The following GAS7 variants were observed in gnomAD, a reference collection of about 807,000 sequenced individuals.
GAS7 encodes the protein growth arrest specific 7.
Under a neutral mutation model 71.1 loss-of-function variants are expected in GAS7, and 28 were observed. The ratio of observed to expected loss-of-function variants is 0.39; its 90% CI spans 0.29 to 0.54. GAS7 has a LOEUF of 0.54. GAS7 is among the 20% of genes least tolerant of loss of function. The pLI, the probability that GAS7 is intolerant of heterozygous loss-of-function variation, is 0.62. For missense variants in GAS7, 436 were observed against 627.8 expected (o/e 0.69, Z 3.27); for synonymous variants, 258 against 245.8 (o/e 1.05, Z -0.46).
chr17:10,092,732 G>A (rs1476400246), intron 1 of GAS7, among the ~76,000 whole-genome samples: 1 of 152,190 alleles, frequency 6.6e-6, no homozygotes, highest in African/African-American at 2.4e-5. Flanking sequence ...CGCCCCCCTT[G>A]GAGGCTCTAG....
intron 1 of GAS7, among the ~76,000 whole-genome samples, chr17:10,030,469 G>A (rs552635639): frequency 1.8e-4 from 27 of 152,332 alleles, no homozygotes; most frequent in South Asian, 8.3e-4. Flanking sequence ...GGTTGGACCC[G>A]TGTGAAAAGG....
intron 2 of GAS7, among the ~76,000 whole-genome samples, chr17:10,003,348 T>C (rs916675929): frequency 6.6e-6 from 1 of 152,206 alleles, no homozygotes; most frequent in Non-Finnish European, 1.5e-5. Context: ...CCAAAGCCCA[T>C]GAGTACAGTA....
chr17:10,144,089 G>A (rs1176854462), intron 1 of GAS7, among the ~76,000 whole-genome samples: 3 of 151,918 alleles, frequency 2.0e-5, no homozygotes, highest in African/African-American at 7.3e-5. Context: ...GGGACTCGGA[G>A]CGGCAGAAAA....
chr17:10,078,032 G>A (rs1488228038), intron 1 of GAS7, among the ~76,000 whole-genome samples: 5 of 151,590 alleles, frequency 3.3e-5, no homozygotes, highest in South Asian at 2.1e-4. Context: ...CAGTACATGC[G>A]GAAGTTTGTT....
chr17:10,047,512 T>C (rs2072995777), intron 1 of GAS7, among the ~76,000 whole-genome samples: 1 of 152,100 alleles, frequency 6.6e-6, no homozygotes, highest in African/African-American at 2.4e-5. Context: ...GTGTCAAGAA[T>C]GCATAAAGAG....
chr17:10,110,852 T>C (rs1057220860), intron 1 of GAS7, among the ~76,000 whole-genome samples: 4 of 152,174 alleles, frequency 2.6e-5, no homozygotes, highest in Admixed American at 2.0e-4. Context: ...TTGAAACAGC[T>C]AGAAGAATGT....
intron 2 of GAS7, among the ~76,000 whole-genome samples, chr17:9,987,524 C>T (rs772041411): frequency 8.5e-5 from 13 of 152,218 alleles, no homozygotes; most frequent in Non-Finnish European, 1.8e-4. Context: ...CAGTGGCACA[C>T]GCCTGTAGTC....
rs187694233 is a variant in GAS7, at chr17:10,191,655, T to A, written c.183+6553A>T. ...ACTTTGGGAGGCTGAGGCGGGTGAATCACAAAGTCAGGAGTTCGAGACCAG... is the reference window on the plus strand; with the variant it reads ...ACTTTGGGAGGCTGAGGCGGGTGAAACACAAAGTCAGGAGTTCGAGACCAG... On this transcript the variant is annotated intron_variant, in intron 1 of 13. Transcript: ENST00000432992. 4.4e-3 allele frequency among the ~76,000 whole-genome samples: 644 copies of A among 146,302 alleles called. 2 individuals are homozygous for A. The highest frequency in any genetic ancestry group is 7.0e-3 in the Non-Finnish European group (470 of 67,160).
intron 5 of GAS7, among the ~76,000 whole-genome samples, chr17:9,952,468 TGCAACCTCCACCTCCC>T (rs1254235324): frequency 6.6e-6 from 1 of 152,190 alleles, no homozygotes; most frequent in African/African-American, 2.4e-5. Flanking sequence ...CTCAGCTCAC[TGCAACCTCCACCTCCC>T]GGGTTCAAGC....
At chr17:9,979,687 G>A (rs1055525414) in intron 3 of GAS7, among the ~76,000 whole-genome samples, 1 of 152,074 alleles carries the variant, frequency 6.6e-6, no homozygotes, top group Non-Finnish European at 1.5e-5. Context: ...CGAGTCACAC[G>A]TGCTGTCTCT....
chr17:10,102,457 T>C (rs2073712361), intron 1 of GAS7, among the ~76,000 whole-genome samples: 1 of 152,126 alleles, frequency 6.6e-6, no homozygotes, highest in South Asian at 2.1e-4. Flanking sequence ...AAGTATTTCT[T>C]TGGTGGGACT....
intron 1 of GAS7, among the ~76,000 whole-genome samples, chr17:10,074,248 C>T (rs766102732): frequency 1.3e-5 from 2 of 152,206 alleles, no homozygotes; most frequent in Non-Finnish European, 2.9e-5. Context: ...TGCTCCCTCC[C>T]ATCTTGCTTT....
chr17:9,983,472 C>G (rs1237262188), intron 2 of GAS7, among the ~76,000 whole-genome samples: 2 of 152,098 alleles, frequency 1.3e-5, no homozygotes, highest in African/African-American at 4.8e-5. Context: ...GCCTGGGTGA[C>G]AGAGCAAGAC....
At chr17:10,137,430 A>G (rs961906245) in intron 1 of GAS7, among the ~76,000 whole-genome samples, 1 of 151,576 alleles carries the variant, frequency 6.6e-6, no homozygotes, top group Non-Finnish European at 1.5e-5. Context: ...GCTGACATGT[A>G]TATGAGTGTT....
In GAS7 at chr17:10,022,113, C is replaced by T. The variant is rs144435810; in HGVS notation, c.184-2216G>A. Among the ~76,000 whole-genome samples, 568 of 152,102 alleles carry T rather than the reference C, an allele frequency of 3.7e-3. 3 individuals carry two copies. Among genetic ancestry groups the T allele is most frequent in the Non-Finnish European group, 5.2e-3 (351 of 67,996 alleles). ...TCTGCAAATAATTTTTAAAATTAGC[C>T]GGGTGTGGTGGCATACGCCTGTGGT... On this transcript the variant is annotated intron_variant, in intron 1 of 13. Transcript: ENST00000432992.
intron 2 of GAS7, among the ~76,000 whole-genome samples, chr17:10,014,614 C>T (rs953967611): frequency 4.6e-5 from 7 of 152,096 alleles, no homozygotes; most frequent in Non-Finnish European, 8.8e-5. Context: ...GAGTCAAGGC[C>T]GCCCCCTCCC....
chr17:9,989,584 T>C (rs985360332), intron 2 of GAS7, among the ~76,000 whole-genome samples: 15 of 151,102 alleles, frequency 9.9e-5, no homozygotes, highest in African/African-American at 3.6e-4. Context: ...GGGGAGGGAG[T>C]TGTGCCAGGA....
rs573265893 is a variant in GAS7, at chr17:9,997,948, C to T, written c.305-16064G>A. On this transcript the variant is annotated intron_variant, in intron 2 of 13. Transcript: ENST00000432992. ...CTCTCCTGGCACCACTCCCCAGGCT[C>T]CATGTGGTCAGTTGACCAGAAGCTC... 3.0e-3 allele frequency among the ~76,000 whole-genome samples: 458 copies of T among 152,236 alleles called. 1 individual carries two copies. Among genetic ancestry groups the T allele is most frequent in the Non-Finnish European group, 3.5e-3 (235 of 67,996 alleles).
chr17:9,914,940 C>T lies in GAS7; in HGVS notation c.*2288G>A, dbSNP rs1245451005. 2 of 232,556 alleles carry T rather than the reference C, an allele frequency of 8.6e-6. No homozygotes were observed. The highest frequency in any genetic ancestry group is 1.7e-5 in the Non-Finnish European group (2 of 117,606). 14.4% of individuals were successfully genotyped at this position (232,556 alleles called of 1,614,324 possible). On this transcript the variant is annotated 3_prime_UTR_variant, in exon 14 of 14. Transcript: ENST00000432992. ...GCCAAGGTTGCTGACCGGTAAGACCCCTGAAAACGAGCGATCACGGGCTTC... is the reference window on the plus strand; with the variant it reads ...GCCAAGGTTGCTGACCGGTAAGACCTCTGAAAACGAGCGATCACGGGCTTC...
Sources: gnomAD v4.1 joint callset for allele counts (sites outside exome capture counted in the v4.1 genomes callset) on GRCh38, gnomAD v4.1.1 for gene constraint, MANE v1.5 for transcripts, NCBI Gene and HGNC (gene_info 2026-07-23, HGNC 2026-07-21) for gene names.